CEP128: variants seen among roughly 807,000 people sequenced by gnomAD.
CEP128 encodes the protein centrosomal protein 128.
CEP128 carries 132 observed loss-of-function variants against 156.7 expected under a neutral mutation model. The ratio of observed to expected loss-of-function variants is 0.84; its 90% CI spans 0.73 to 0.97. The LOEUF is 0.97. Among genes scored for constraint, CEP128 ranks in the 50% least tolerant of loss-of-function variants. CEP128 has a pLI of 0.00. For missense variants in CEP128, 1,252 were observed against 1,281.9 expected (o/e 0.98, Z 0.36); for synonymous variants, 469 against 448.9 (o/e 1.04, Z -0.57).
At chr14:80,558,305 T>C (rs1430928098) in intron 21 of CEP128, among the ~76,000 whole-genome samples, 2 of 152,158 alleles carry the variant, frequency 1.3e-5, no homozygotes, top group South Asian at 2.1e-4. Flanking sequence ...TTTACTTTTT[T>C]TTTTTGAGAC....
chr14:80,807,259 A>C (rs1436534999), intron 13 of CEP128, among the ~76,000 whole-genome samples: 1 of 152,140 alleles, frequency 6.6e-6, no homozygotes, highest in Non-Finnish European at 1.5e-5. Flanking sequence ...TCCTAACCCA[A>C]TTTCACACCA....
intron 8 of CEP128, among the ~76,000 whole-genome samples, chr14:80,872,936 T>C (rs868274529): frequency 2.6e-5 from 4 of 152,326 alleles, no homozygotes; most frequent in Non-Finnish European, 2.9e-5. Flanking sequence ...ATTTTTTTCT[T>C]AATCAGGACT....
intron 19 of CEP128, among the ~76,000 whole-genome samples, chr14:80,668,217 C>T (rs1895705458): frequency 6.6e-6 from 1 of 152,044 alleles, no homozygotes; most frequent in Non-Finnish European, 1.5e-5. Context: ...AACACAGCTG[C>T]TATGTGAAGA....
intron 8 of CEP128, 85 bp downstream of exon 8, chr14:80,895,633 C>T (rs8015542): frequency 3.4e-6 from 3 of 880,234 alleles, no homozygotes; most frequent in East Asian, 2.8e-5. Flanking sequence ...AAAGGTTAAA[C>T]TCTACTAAAC....
chr14:80,747,684 A>C (rs1397568542), intron 18 of CEP128, among the ~76,000 whole-genome samples: 1 of 152,152 alleles, frequency 6.6e-6, no homozygotes, highest in Non-Finnish European at 1.5e-5. Flanking sequence ...GAACACGCCT[A>C]TAATTCCAGC....
intron 21 of CEP128, among the ~76,000 whole-genome samples, chr14:80,554,023 A>C (rs1756941544): frequency 6.6e-6 from 1 of 152,148 alleles, no homozygotes; most frequent in South Asian, 2.1e-4. Context: ...AGATTAAGAA[A>C]GTTTCCCTCT....
At chr14:80,607,458 G>C (rs1246246148) in intron 19 of CEP128, among the ~76,000 whole-genome samples, 3 of 152,102 alleles carry the variant, frequency 2.0e-5, no homozygotes, top group Non-Finnish European at 4.4e-5. Context: ...CATCTTTCAA[G>C]GGAAGACTTT....
At position 80,805,671 on chromosome 14, in the gene CEP128, A is replaced by C. The variant is rs137897982; in HGVS notation, c.1210-12561T>G. ...ATGCTTGCATGTCTTGATGAACTTAATTTATTCATTTCAGTATAATTTGAG... is the reference window on the plus strand; with the variant it reads ...ATGCTTGCATGTCTTGATGAACTTACTTTATTCATTTCAGTATAATTTGAG... On this transcript the variant is annotated intron_variant, in intron 13 of 24. Transcript: ENST00000555265. Among the ~76,000 whole-genome samples the C allele has an allele frequency of 4.1e-3, 627 of 152,276 alleles. 5 individuals carry two copies. The highest frequency in any genetic ancestry group is 0.014 in the African/African-American group (594 of 41,550).
rs546647652 is a variant in CEP128 at position 80,526,749 on chromosome 14, C to T, written c.3072+120G>A. On this transcript the variant is annotated intron_variant, in intron 23 of 24. Transcript: ENST00000555265. ...AGAATTGAAAGTCTATTTAATATAT[C>T]AAGGAAAATATTTTCTTTCACAAGT... 1.3e-4 allele frequency: 73 copies of T among 544,110 alleles called. No individual in the cohort carries two copies. In the South Asian group the frequency reaches 2.0e-3, roughly 15 times the overall value. The allele number at this position is 544,110 out of a possible 1,614,324, so 33.7% of individuals were successfully genotyped here. A position where few individuals can be genotyped will look rare whatever the true frequency, so the allele number is the denominator to read the frequency against.
chr14:80,771,775 G>GT (rs1900522646), intron 16 of CEP128, among the ~76,000 whole-genome samples: 1 of 152,178 alleles, frequency 6.6e-6, no homozygotes, highest in Admixed American at 6.5e-5. Flanking sequence ...ATTGAAACAA[G>GT]TAAGTATTAA....
intron 8 of CEP128, among the ~76,000 whole-genome samples, chr14:80,893,631 A>G (rs542817164): frequency 5.7e-4 from 86 of 152,104 alleles, no homozygotes; most frequent in Non-Finnish European, 1.0e-3. Context: ...CACAAAATAA[A>G]ATTTACAAAA....
chr14:80,667,007 C>A (rs183452580), intron 19 of CEP128, among the ~76,000 whole-genome samples: 1 of 152,078 alleles, frequency 6.6e-6, no homozygotes, highest in Non-Finnish European at 1.5e-5. Flanking sequence ...CTTCCAGGAC[C>A]CCAAACAAAG....
At chr14:80,784,743 G>A (rs950830452) in intron 15 of CEP128, 152 bp downstream of exon 15, 22 of 679,666 alleles carry the variant, frequency 3.2e-5, no homozygotes, top group East Asian at 2.2e-4. Flanking sequence ...CAACCTGGCC[G>A]AACAGGCATG....
At chr14:80,722,966 A>T (rs889231272) in intron 19 of CEP128, among the ~76,000 whole-genome samples, 1 of 151,816 alleles carries the variant, frequency 6.6e-6, no homozygotes, top group African/African-American at 2.4e-5. Context: ...AGCTGGGACT[A>T]CAGGCACCCG....
chr14:80,749,133 C>T (rs1198736236), intron 18 of CEP128, among the ~76,000 whole-genome samples: 1 of 152,082 alleles, frequency 6.6e-6, no homozygotes, highest in Non-Finnish European at 1.5e-5. Flanking sequence ...CAGTTCAGCA[C>T]TGAGAGAAAC....
intron 2 of CEP128, among the ~76,000 whole-genome samples, chr14:80,935,556 C>CAATAAATAAATAAATAAATA (rs59491221): frequency 2.6e-5 from 3 of 113,928 alleles, no homozygotes; most frequent in East Asian, 2.5e-4. Context: ...GAGTCTGTCT[C>CAATAAATAAATAAATAAATA]AATAAATAAA....
At chr14:80,676,679 T>C (rs1896075467) in intron 19 of CEP128, among the ~76,000 whole-genome samples, 1 of 152,162 alleles carries the variant, frequency 6.6e-6, no homozygotes, top group South Asian at 2.1e-4. Context: ...AAGATTTTTT[T>C]CCCACAGATA....
chr14:80,562,076 C>T (rs573797069), intron 20 of CEP128, among the ~76,000 whole-genome samples: 48 of 140,768 alleles, frequency 3.4e-4, no homozygotes, highest in Admixed American at 2.1e-3. Context: ...TACAGGTGCC[C>T]GCCACCACAT....
In CEP128 at chr14:80,784,108, A is replaced by G. The variant is rs1384507045; in HGVS notation, c.2211+787T>C. 3.3e-5 allele frequency among the ~76,000 whole-genome samples: 5 copies of G among 152,192 alleles called. No homozygotes were observed. In the South Asian group the frequency reaches 6.2e-4, roughly 19 times the overall value. On this transcript the variant is annotated intron_variant, in intron 15 of 24. Coordinates refer to ENST00000555265, the MANE Select transcript of CEP128 (RefSeq NM_152446.5). Reference sequence around the variant, plus strand: ...TTAACCTTCAAAGATTTATCCATTCATTCATTCACCTATTCAATAGATATT... The same window carrying G: ...TTAACCTTCAAAGATTTATCCATTCGTTCATTCACCTATTCAATAGATATT...
Sources: allele counts gnomAD v4.1 joint callset (sites outside exome capture counted in the v4.1 genomes callset), GRCh38; gene constraint gnomAD v4.1.1; transcripts MANE v1.5; gene names NCBI Gene and HGNC (gene_info 2026-07-23, HGNC 2026-07-21).